RHBDL3: variants seen among roughly 807,000 people sequenced by gnomAD.
The protein encoded by RHBDL3 is rhomboid-related protein 3.
RHBDL3 carries 28 observed loss-of-function variants against 48.2 expected under a neutral mutation model. That is an observed-to-expected ratio of 0.58 (90% CI 0.43 to 0.80). The LOEUF is 0.80. Among genes scored for constraint, RHBDL3 ranks in the 30% least tolerant of loss-of-function variants. The pLI, the probability that RHBDL3 is intolerant of heterozygous loss-of-function variation, is 0.00. For synonymous variants in RHBDL3, 208 were observed against 232.3 expected, an observed-to-expected ratio of 0.90 and a Z score of 0.95; for missense variants, 464 against 542.7, an observed-to-expected ratio of 0.85 and a Z score of 1.44.
At position 32,321,800 on chromosome 17, in the gene RHBDL3, C is replaced by T. The variant is rs999938501; in HGVS notation, c.*571C>T. ...GTGCCCTCCTGGGCTGGTTGGTGTG[C>T]ACCGGGGCATGATCTGTTGTGCCTG... On this transcript the variant is annotated 3_prime_UTR_variant, in exon 9 of 9. Coordinates refer to ENST00000269051, the MANE Select transcript of RHBDL3 (RefSeq NM_138328.3). 1.0e-5 allele frequency: 2 copies of T among 199,262 alleles called. No homozygotes were observed. The highest frequency in any genetic ancestry group is 2.1e-5 in the Non-Finnish European group (2 of 95,804). 12.3% of individuals were successfully genotyped at this position (199,262 alleles called of 1,614,324 possible).
chr17:32,309,193 T>A (rs751807589), intron 7 of RHBDL3, among the ~76,000 whole-genome samples: 26,090 of 150,522 alleles, frequency 0.17, 2,908 homozygotes, highest in African/African-American at 0.32. Flanking sequence ...TGTGTGTGTG[T>A]GTGTGTGTGT....
intron 5 of RHBDL3, among the ~76,000 whole-genome samples, chr17:32,296,252 A>AG (rs1019022997): frequency 3.3e-5 from 5 of 149,344 alleles, no homozygotes; most frequent in African/African-American, 1.0e-4. Context: ...CAAAAAAAAA[A>AG]AAAAAAGAAA....
chr17:32,283,266 G>C (rs1448552945), intron 2 of RHBDL3, among the ~76,000 whole-genome samples: 1 of 150,534 alleles, frequency 6.6e-6, no homozygotes, highest in Admixed American at 6.6e-5. Context: ...GAAAGGGATA[G>C]AAATGATAAG....
intron 2 of RHBDL3, chr17:32,284,327 GC>G (rs2040142404): frequency 9.6e-6 from 2 of 207,500 alleles, no homozygotes; most frequent in East Asian, 1.2e-4. Context: ...CCCGTCCCAG[GC>G]CCCAGAAGTT....
intron 8 of RHBDL3, among the ~76,000 whole-genome samples, chr17:32,317,792 G>A (rs916770614): frequency 6.6e-6 from 1 of 152,210 alleles, no homozygotes; most frequent in Non-Finnish European, 1.5e-5. Flanking sequence ...GATAACCAGA[G>A]TTTTAGAAAA....
At chr17:32,307,581 G>A (rs2150743530) in intron 7 of RHBDL3, among the ~76,000 whole-genome samples, 1 of 152,326 alleles carries the variant, frequency 6.6e-6, no homozygotes, top group East Asian at 1.9e-4. Flanking sequence ...CTGAGTACCT[G>A]CCTATACTTG....
chr17:32,323,379 G>A lies in RHBDL3; in HGVS notation c.*2150G>A, dbSNP rs1318992172. 1.3e-5 allele frequency: 2 copies of A among 152,424 alleles called. No individual in the cohort carries two copies. Among genetic ancestry groups the A allele is most frequent in the African/African-American group, 2.4e-5 (1 of 41,440 alleles). 9.4% of individuals were successfully genotyped at this position (152,424 alleles called of 1,614,324 possible). A position where few individuals can be genotyped will look rare whatever the true frequency, so the allele number is the denominator to read the frequency against. ...GGAGCTGGGCTCAGGGAAGACCAGG[G>A]GAGGATGCAGAAGGAGTCAGGACAT... On this transcript the variant is annotated 3_prime_UTR_variant, in exon 9 of 9. Coordinates refer to ENST00000269051, the MANE Select transcript of RHBDL3 (RefSeq NM_138328.3).
At chr17:32,289,412 C>G (rs1319932801) in intron 4 of RHBDL3, among the ~76,000 whole-genome samples, 2 of 152,050 alleles carry the variant, frequency 1.3e-5, no homozygotes, top group Admixed American at 6.6e-5. Context: ...GTAATGTGGA[C>G]CAGTCATTTG....
chr17:32,286,378 G>T (rs2040199215), intron 3 of RHBDL3, among the ~76,000 whole-genome samples: 1 of 152,156 alleles, frequency 6.6e-6, no homozygotes, highest in Non-Finnish European at 1.5e-5. Flanking sequence ...GAGCAGGGCT[G>T]CCCTGGAGAG....
intron 7 of RHBDL3, among the ~76,000 whole-genome samples, chr17:32,313,351 G>C (rs924864060): frequency 6.6e-6 from 1 of 152,104 alleles, no homozygotes; most frequent in Non-Finnish European, 1.5e-5. Context: ...GTGAAACCCT[G>C]TCTCTTAAAA....
At chr17:32,277,823 A>G (rs1396802145) in intron 2 of RHBDL3, among the ~76,000 whole-genome samples, 1 of 152,276 alleles carries the variant, frequency 6.6e-6, no homozygotes, top group Non-Finnish European at 1.5e-5. Flanking sequence ...CAAAGGTCAA[A>G]TAAGTTTGAA....
chr17:32,316,468 C>T (rs547064077), intron 8 of RHBDL3, among the ~76,000 whole-genome samples, 176 bp downstream of exon 8: 10 of 152,320 alleles, frequency 6.6e-5, no homozygotes, highest in South Asian at 2.1e-4. Context: ...TGTGCTGCTT[C>T]GTAACCATTC....
At chr17:32,276,789 C>T (rs2150696695) in intron 2 of RHBDL3, among the ~76,000 whole-genome samples, 1 of 104,266 alleles carries the variant, frequency 9.6e-6, no homozygotes, top group East Asian at 2.3e-4. Context: ...TACTCCGGCC[C>T]TAGCACCTTA....
At chr17:32,317,240 C>T (rs2040998794) in intron 8 of RHBDL3, among the ~76,000 whole-genome samples, 1 of 152,150 alleles carries the variant, frequency 6.6e-6, no homozygotes, top group Non-Finnish European at 1.5e-5. Context: ...AGGACCAGCA[C>T]CCAGATCAAG....
chr17:32,305,930 A>AC (rs2040701510), intron 7 of RHBDL3, among the ~76,000 whole-genome samples: 1 of 151,218 alleles, frequency 6.6e-6, no homozygotes, highest in South Asian at 2.1e-4. Flanking sequence ...AAAAAAAAAA[A>AC]ATTTGGTCAC....
intron 2 of RHBDL3, 61 bp from the exon 3 acceptor site, chr17:32,284,598 A>C: frequency 1.3e-6 from 2 of 1,529,806 alleles, no homozygotes; most frequent in Non-Finnish European, 1.8e-6. Flanking sequence ...CAGGGCACCC[A>C]CATCAGTGTG....
In RHBDL3 at chr17:32,288,804, C is replaced by A. The variant is rs1466609224; in HGVS notation, c.307C>A (p.Arg103Ser). The A allele has an allele frequency of 6.2e-7, 1 of 1,611,550 alleles. No homozygotes were observed. Among genetic ancestry groups the A allele is most frequent in the South Asian group, 1.1e-5 (1 of 90,858 alleles). ...ATTTCCTGCACAGATGAGCAACAAG[C>A]GTTCCAACAGCTTCCGCCAAGCCAT... ...QDFVSLMSNK[R>S]SNSFRQAILQ... The change falls in exon 4 of 9, where the codon CGT becomes AGT. Residue 103 changes from arginine (R) to serine (S), a missense_variant. Physicochemically the swap from Arg to Ser is moderately radical, Grantham distance 110. Coordinates refer to ENST00000269051, the MANE Select transcript of RHBDL3 (RefSeq NM_138328.3).
intron 6 of RHBDL3, among the ~76,000 whole-genome samples, chr17:32,303,419 C>G (rs2040632995): frequency 6.6e-6 from 1 of 152,210 alleles, no homozygotes; most frequent in African/African-American, 2.4e-5. Context: ...CGTGGGAAAC[C>G]TTTGTCATGC....
Position 32,284,763 on chromosome 17 carries a change from T to C in RHBDL3, c.240T>C (p.Ala80=). 6.2e-7 allele frequency: 1 copy of C among 1,614,078 alleles called. No individual in the cohort carries two copies. Among genetic ancestry groups the C allele is most frequent in the Non-Finnish European group, 8.5e-7 (1 of 1,180,008 alleles). The change falls in exon 3 of 9, where the codon GCT becomes GCC. Residue 80 remains alanine (A), a synonymous_variant. Transcript: ENST00000269051. ...CGCACAAAAGGGAGGTCCTCCTGGC[T>C]CTTGCCGACAGCCACGCGGATGGGC... ...LDPHKREVLL[A]LADSHADGQI...
Sources: allele counts gnomAD v4.1 joint callset (sites outside exome capture counted in the v4.1 genomes callset), GRCh38; gene constraint gnomAD v4.1.1; transcripts MANE v1.5; gene names NCBI Gene and HGNC (gene_info 2026-07-23, HGNC 2026-07-21).